SLCO6A1: variants seen among roughly 807,000 people sequenced by gnomAD.
The protein encoded by SLCO6A1 is solute carrier organic anion transporter family member 6A1.
In SLCO6A1, 65 loss-of-function variants were observed where a neutral mutation model predicts 72.7. That is an observed-to-expected ratio of 0.89 (90% CI 0.73 to 1.10). The LOEUF (loss-of-function observed/expected upper bound fraction) is 1.10, where lower values mean the gene tolerates loss of function less well. Ranked by LOEUF, SLCO6A1 falls within the 50% of genes least tolerant of loss-of-function variation. SLCO6A1 has a pLI of 0.00. For synonymous variants in SLCO6A1, 314 were observed against 298.2 expected, an observed-to-expected ratio of 1.05 and a Z score of -0.55; for missense variants, 874 against 872.6, an observed-to-expected ratio of 1.00 and a Z score of -0.02.
At chr5:102,428,203 T>C (rs1206027001) in intron 7 of SLCO6A1, among the ~76,000 whole-genome samples, 1 of 151,686 alleles carries the variant, frequency 6.6e-6, no homozygotes, top group Admixed American at 6.6e-5. Context: ...CTTCAAGATA[T>C]CTAAAACTGT....
chr5:102,390,607 T>G (rs1397562855), intron 11 of SLCO6A1, among the ~76,000 whole-genome samples: 1 of 151,876 alleles, frequency 6.6e-6, no homozygotes, highest in Non-Finnish European at 1.5e-5. Context: ...ATGTCTTTGG[T>G]GATGAAAACA....
intron 6 of SLCO6A1, among the ~76,000 whole-genome samples, chr5:102,439,619 G>T (rs572798291): frequency 3.9e-5 from 6 of 152,096 alleles, no homozygotes; most frequent in African/African-American, 1.2e-4. Context: ...TTAAATACTT[G>T]TCTTGCCTTC....
chr5:102,445,975 C>T (rs1750088243), intron 6 of SLCO6A1, among the ~76,000 whole-genome samples: 1 of 152,080 alleles, frequency 6.6e-6, no homozygotes, highest in Non-Finnish European at 1.5e-5. Context: ...CCTTGTAGTA[C>T]ATTTTGAAGT....
At position 102,391,113 on chromosome 5, in the gene SLCO6A1, T is replaced by G. The variant is rs984908833; in HGVS notation, c.1815-68A>C. The G allele has an allele frequency of 2.7e-4, 384 of 1,406,738 alleles. 1 individual carries two copies. The highest frequency in any genetic ancestry group is 3.6e-4 in the Non-Finnish European group (364 of 1,001,672). The allele number at this position is 1,406,738 out of a possible 1,614,324, so 87.1% of individuals were successfully genotyped here. A position where few individuals can be genotyped will look rare whatever the true frequency, so the allele number is the denominator to read the frequency against. On this transcript the variant is annotated intron_variant, in intron 10 of 13. Transcript: ENST00000506729. ...TTAGCACTAAGAATGTATGCTAGAT[T>G]CAAGGCTAATCATTTTTTTTTTCTG...
intron 11 of SLCO6A1, among the ~76,000 whole-genome samples, chr5:102,390,558 T>A (rs1297220429): frequency 6.6e-6 from 1 of 152,102 alleles, no homozygotes; most frequent in Admixed American, 6.5e-5. Context: ...CATTTATTTG[T>A]TCTTAGAAAC....
intron 2 of SLCO6A1, among the ~76,000 whole-genome samples, chr5:102,479,308 C>T (rs1436871070): frequency 6.6e-6 from 1 of 152,164 alleles, no homozygotes. Context: ...TTTCCTGAGG[C>T]CTCCCCAGCC....
intron 7 of SLCO6A1, among the ~76,000 whole-genome samples, chr5:102,426,017 G>C (rs1321219435): frequency 1.3e-5 from 2 of 152,190 alleles, no homozygotes; most frequent in Admixed American, 1.3e-4. Context: ...AAGCAATGCG[G>C]AAATGGTTCC....
intron 6 of SLCO6A1, among the ~76,000 whole-genome samples, chr5:102,452,496 C>T (rs903365333): frequency 6.6e-6 from 1 of 152,008 alleles, no homozygotes; most frequent in Admixed American, 6.6e-5. Context: ...TAACTTTTAA[C>T]CTCGTGGATA....
intron 8 of SLCO6A1, among the ~76,000 whole-genome samples, chr5:102,418,493 G>A (rs183825345): frequency 6.6e-6 from 1 of 152,160 alleles, no homozygotes; most frequent in East Asian, 1.9e-4. Context: ...TCAATTCATT[G>A]ACATTTTGTT....
In SLCO6A1 at chr5:102,406,315, A is replaced by G. The variant is rs550839947; in HGVS notation, c.1627-6573T>C. Among the ~76,000 whole-genome samples, 629 of 152,224 alleles carry G rather than the reference A, an allele frequency of 4.1e-3. 10 individuals are homozygous for G. Among genetic ancestry groups the G allele is most frequent in the African/African-American group, 0.015 (605 of 41,554 alleles). ...AAAAATAGCAAAATAATGCTATAAT[A>G]ATGATTTAATATCATGCAAAATACA... On this transcript the variant is annotated intron_variant, in intron 9 of 13. Coordinates refer to ENST00000506729, the MANE Select transcript of SLCO6A1 (RefSeq NM_173488.5).
At chr5:102,484,411 A>C (rs1009942512) in intron 1 of SLCO6A1, among the ~76,000 whole-genome samples, 5 of 152,114 alleles carry the variant, frequency 3.3e-5, no homozygotes, top group Non-Finnish European at 7.4e-5. Context: ...GCAGTTTGGG[A>C]GGCCGAGATG....
chr5:102,493,017 C>T (rs1391861426), intron 1 of SLCO6A1, among the ~76,000 whole-genome samples: 1 of 152,160 alleles, frequency 6.6e-6, no homozygotes, highest in African/African-American at 2.4e-5. Context: ...ATGTCTCTGT[C>T]TGACAGGTTT....
At chr5:102,377,289 T>C (rs1270484310) in intron 12 of SLCO6A1, among the ~76,000 whole-genome samples, 1 of 152,174 alleles carries the variant, frequency 6.6e-6, no homozygotes, top group Non-Finnish European at 1.5e-5. Flanking sequence ...TACTTAGTAC[T>C]CAGCAATTTC....
chr5:102,474,010 AC>A (rs1751765890), intron 4 of SLCO6A1, among the ~76,000 whole-genome samples: 1 of 151,972 alleles, frequency 6.6e-6, no homozygotes, highest in African/African-American at 2.4e-5. Context: ...TGTTTATACA[AC>A]CCAAAGTGAA....
chr5:102,444,174 T>A (rs1282957826), intron 6 of SLCO6A1, among the ~76,000 whole-genome samples: 1 of 152,086 alleles, frequency 6.6e-6, no homozygotes, highest in Non-Finnish European at 1.5e-5. Flanking sequence ...CTAAGGATAG[T>A]CCTCTAATAG....
intron 7 of SLCO6A1, among the ~76,000 whole-genome samples, chr5:102,427,082 A>T (rs2112638448): frequency 6.6e-6 from 1 of 152,262 alleles, no homozygotes; most frequent in South Asian, 2.1e-4. Context: ...TAAAAATGAA[A>T]GTGTTCATAT....
chr5:102,461,202 G>A (rs988297117), intron 4 of SLCO6A1, among the ~76,000 whole-genome samples: 4 of 151,798 alleles, frequency 2.6e-5, no homozygotes, highest in Non-Finnish European at 4.4e-5. Flanking sequence ...ATAAAATATA[G>A]AGCTTCCATT....
chr5:102,469,050 T>C (rs1006963435), intron 4 of SLCO6A1, among the ~76,000 whole-genome samples: 2 of 152,204 alleles, frequency 1.3e-5, no homozygotes, highest in Admixed American at 1.3e-4. Flanking sequence ...CCATGCTGTT[T>C]TGCTTACTGT....
chr5:102,409,367 T>G (rs1747845764), intron 9 of SLCO6A1, among the ~76,000 whole-genome samples: 1 of 152,176 alleles, frequency 6.6e-6, no homozygotes, highest in African/African-American at 2.4e-5. Context: ...TCAGAATTTT[T>G]TCATACTTGA....
Sources: gnomAD v4.1 joint callset for allele counts (sites outside exome capture counted in the v4.1 genomes callset) on GRCh38, gnomAD v4.1.1 for gene constraint, MANE v1.5 for transcripts, NCBI Gene and HGNC (gene_info 2026-07-23, HGNC 2026-07-21) for gene names.